The following POLH variants were observed in gnomAD, a reference collection of about 807,000 sequenced individuals.
POLH encodes DNA polymerase eta transcript.
A neutral mutation model predicts 73.6 loss-of-function variants in POLH; 53 were observed. The ratio of observed to expected loss-of-function variants is 0.72; its 90% CI spans 0.58 to 0.91. The LOEUF (loss-of-function observed/expected upper bound fraction) is 0.91, where lower values mean the gene tolerates loss of function less well. POLH is among the 40% of genes least tolerant of loss of function. POLH has a pLI of 0.00. For synonymous variants in POLH, 292 were observed against 308.5 expected (o/e 0.95, Z 0.56); for missense variants, 768 against 865.4 (o/e 0.89, Z 1.41).
chr6:43,610,715 G>T lies in POLH; in HGVS notation c.1236G>T (p.Gln412His). Residue 412 changes from glutamine to histidine, a missense_variant, in exon 10 of 11, where the codon CAG becomes CAT. Physicochemically the swap from Gln to His is conservative, Grantham distance 24. Coordinates refer to ENST00000372236, the MANE Select transcript of POLH (RefSeq NM_006502.3). Reference protein sequence around the residue: ...VIKNCNTSGIQTEWSPPLTML... With the variant: ...VIKNCNTSGIHTEWSPPLTML... ...AGAACTGTAATACTTCTGGAATCCAGACAGAATGGTGAGTTCTTTTCTAGC... is the reference window on the plus strand; with the variant it reads ...AGAACTGTAATACTTCTGGAATCCATACAGAATGGTGAGTTCTTTTCTAGC... 1 of 1,611,616 alleles carries T rather than the reference G, an allele frequency of 6.2e-7. No individual in the cohort carries two copies. The highest frequency in any genetic ancestry group is 1.1e-5 in the South Asian group (1 of 90,944).
chr6:43,585,843 C>T (rs1257613755), intron 3 of POLH, among the ~76,000 whole-genome samples: 1 of 151,404 alleles, frequency 6.6e-6, no homozygotes, highest in Admixed American at 6.6e-5. Context: ...GGGGTTTCTC[C>T]ATGTTGGTCA....
intron 4 of POLH, among the ~76,000 whole-genome samples, chr6:43,594,579 C>T (rs1379101918): frequency 2.0e-5 from 3 of 152,136 alleles, no homozygotes; most frequent in Non-Finnish European, 2.9e-5. Context: ...TGAAGGTTCA[C>T]AGCTGTAGTC....
Position 43,582,325 on chromosome 6 carries a change from T to C in POLH, c.6T>C (p.Ala2=). The change falls in exon 2 of 11, where the codon GCT becomes GCC. Residue 2 remains alanine, a synonymous_variant. Transcript: ENST00000372236. ...AAATGTTGTGTTACAGAAAAATGGC[T>C]ACTGGACAGGATCGAGTGGTTGCTC... M[A]TGQDRVVALV... is the part of the protein sequence containing the mutation. The C allele has an allele frequency of 6.2e-7, 1 of 1,614,190 alleles. No homozygotes were observed. Among genetic ancestry groups the C allele is most frequent in the Non-Finnish European group, 8.5e-7 (1 of 1,180,004 alleles).
chr6:43,605,006 T>C (rs1236952013), intron 8 of POLH, among the ~76,000 whole-genome samples: 1 of 152,152 alleles, frequency 6.6e-6, no homozygotes, highest in African/African-American at 2.4e-5. Flanking sequence ...GGTCTTGTCT[T>C]TTTCTCAGAG....
chr6:43,591,621 A>AT (rs371822062), intron 4 of POLH, among the ~76,000 whole-genome samples: 22,940 of 143,498 alleles, frequency 0.16, 1,873 homozygotes, highest in Non-Finnish European at 0.19. Flanking sequence ...ACCCAGCCTG[A>AT]TTTTTTTTTT....
At chr6:43,582,556 C>T (rs1764394907) in intron 2 of POLH, 100 bp downstream of exon 2, 2 of 1,227,038 alleles carry the variant, frequency 1.6e-6, no homozygotes, top group Non-Finnish European at 2.4e-6. Flanking sequence ...GTGACAGGGC[C>T]TTTCTCTGTT....
Position 43,617,452 on chromosome 6 carries a change from C to T in POLH, c.*2895C>T, listed in dbSNP as rs1381992171. Among the ~76,000 whole-genome samples the T allele has an allele frequency of 6.6e-6, 1 of 151,484 alleles. No homozygotes were observed. The highest frequency in any genetic ancestry group is 2.1e-4 in the South Asian group (1 of 4,784). ...ACCAGGCTGGCCAACATGGGGAAAACCCATCTCTACAAAAAATAACAAAAA... is the reference window on the plus strand; with the variant it reads ...ACCAGGCTGGCCAACATGGGGAAAATCCATCTCTACAAAAAATAACAAAAA... On this transcript the variant is annotated 3_prime_UTR_variant, in exon 11 of 11. Transcript: ENST00000372236.
chr6:43,587,598 G>A lies in POLH; in HGVS notation c.490+109G>A, dbSNP rs543847685. 6.9e-5 allele frequency: 55 copies of A among 800,094 alleles called. No homozygotes were observed. The African/African-American group carries it at 9.0e-4, about 13-fold the overall frequency. 49.6% of individuals were successfully genotyped at this position (800,094 alleles called of 1,614,324 possible). On this transcript the variant is annotated intron_variant, in intron 4 of 10. Coordinates refer to ENST00000372236, the MANE Select transcript of POLH (RefSeq NM_006502.3). ...TGAAAGGAAACTTAAACTACAGCCT[G>A]AATGAATCACAAGGACTCACATGGA...
chr6:43,585,567 G>T (rs1412431753), intron 3 of POLH, among the ~76,000 whole-genome samples: 1 of 151,790 alleles, frequency 6.6e-6, no homozygotes, highest in Admixed American at 6.6e-5. Context: ...GATGAAGACC[G>T]AATATATATT....
Position 43,584,004 on chromosome 6 carries a change from A to C in POLH, c.272+863A>C, listed in dbSNP as rs556872251. 2.0e-5 allele frequency among the ~76,000 whole-genome samples: 3 copies of C among 152,298 alleles called. No homozygotes were observed. The South Asian group carries it at 6.2e-4, about 32-fold the overall frequency. ...CAGAAAATACAAAAATTAGCCAGGC[A>C]TGGTGGCACACACTTGCAGTCCCGG... On this transcript the variant is annotated intron_variant, in intron 3 of 10. Coordinates refer to ENST00000372236, the MANE Select transcript of POLH (RefSeq NM_006502.3).
chr6:43,613,394 T>G (rs1279876156), intron 10 of POLH, among the ~76,000 whole-genome samples: 1 of 152,186 alleles, frequency 6.6e-6, no homozygotes, highest in African/African-American at 2.4e-5. Flanking sequence ...GGTTGCTAAA[T>G]TAGTGGTTCT....
At position 43,582,461 on chromosome 6, in the gene POLH, GT is replaced by G. The variant is rs1561897108; in HGVS notation, c.137+6del. ...CAAATCATGGAAGGGTGGTGGGTAT[GT>G]ATCATTGTTATTGTCACAACTATTC... On this transcript the variant is annotated splice_donor_region_variant and intron_variant, in intron 2 of 10. Coordinates refer to ENST00000372236, the MANE Select transcript of POLH (RefSeq NM_006502.3). 6.2e-7 allele frequency: 1 copy of G among 1,613,240 alleles called. No homozygotes were observed. Among genetic ancestry groups the G allele is most frequent in the East Asian group, 2.2e-5 (1 of 44,882 alleles).
Position 43,603,811 on chromosome 6 carries a change from A to G in POLH, c.765-81A>G, listed in dbSNP as rs1178009365. The G allele has an allele frequency of 2.8e-6, 4 of 1,430,546 alleles. No individual in the cohort carries two copies. In the East Asian group the frequency reaches 9.2e-5, roughly 33 times the overall value. 88.6% of individuals were successfully genotyped at this position (1,430,546 alleles called of 1,614,324 possible). A position where few individuals can be genotyped will look rare whatever the true frequency, so the allele number is the denominator to read the frequency against. ...TCCTGAACCTTTTGGAGAGCTGTTT[A>G]CAAAGTAGAATGTCTTACGTTTGCT... On this transcript the variant is annotated intron_variant, in intron 6 of 10. Transcript: ENST00000372236.
At chr6:43,598,397 C>A (rs941765771) in intron 5 of POLH, among the ~76,000 whole-genome samples, 1 of 151,292 alleles carries the variant, frequency 6.6e-6, no homozygotes, top group Non-Finnish European at 1.5e-5. Flanking sequence ...GAGGCTGAGG[C>A]AGGTGGATCA....
intron 3 of POLH, among the ~76,000 whole-genome samples, chr6:43,586,481 C>T (rs560442572): frequency 1.3e-5 from 2 of 151,858 alleles, no homozygotes; most frequent in African/African-American, 4.8e-5. Context: ...GACTTCATCT[C>T]GAAAAACAAG....
chr6:43,609,863 A>C (rs1582317636), intron 9 of POLH, among the ~76,000 whole-genome samples: 1 of 152,044 alleles, frequency 6.6e-6, no homozygotes, highest in Non-Finnish European at 1.5e-5. Context: ...CATTTAGGGG[A>C]GTCCCATTTT....
At chr6:43,595,583 T>C (rs1561904554) in intron 4 of POLH, among the ~76,000 whole-genome samples, 1 of 151,620 alleles carries the variant, frequency 6.6e-6, no homozygotes, top group Non-Finnish European at 1.5e-5. Flanking sequence ...CCATCCCTAC[T>C]AAAAAAAATA....
intron 1 of POLH, among the ~76,000 whole-genome samples, chr6:43,581,186 C>T (rs1315715447): frequency 6.0e-5 from 9 of 148,956 alleles, no homozygotes; most frequent in Non-Finnish European, 1.0e-4. Context: ...ACGGGGCAGC[C>T]GGGCAGAGAC....
At chr6:43,589,909 G>A (rs1052435149) in intron 4 of POLH, among the ~76,000 whole-genome samples, 2 of 151,578 alleles carry the variant, frequency 1.3e-5, no homozygotes, top group Non-Finnish European at 2.9e-5. Context: ...GATTATTGAT[G>A]TGTTGGGAAA....
Sources: gnomAD v4.1 joint callset for allele counts (sites outside exome capture counted in the v4.1 genomes callset) on GRCh38, gnomAD v4.1.1 for gene constraint, MANE v1.5 for transcripts, NCBI Gene and HGNC (gene_info 2026-07-23, HGNC 2026-07-21) for gene names.